The following PLB1 variants were observed in gnomAD, a reference collection of about 807,000 sequenced individuals.
PLB1 encodes phospholipase B1, membrane-associated.
In PLB1, 242 loss-of-function variants were observed where a neutral mutation model predicts 227.4. The ratio of observed to expected loss-of-function variants is 1.06; its 90% CI spans 0.96 to 1.18. The LOEUF (loss-of-function observed/expected upper bound fraction) is 1.18, where lower values mean the gene tolerates loss of function less well. PLB1 is among the 50% of genes most tolerant of loss of function. PLB1 has a pLI of 0.00. For missense variants in PLB1, 1,858 were observed against 1,816.3 expected (o/e 1.02, Z -0.42); for synonymous variants, 757 against 682.2 (o/e 1.11, Z -1.71).
chr2:28,622,690 C>T (rs1409322207), intron 49 of PLB1, among the ~76,000 whole-genome samples: 2 of 152,144 alleles, frequency 1.3e-5, no homozygotes, highest in East Asian at 3.9e-4. Flanking sequence ...GAGTTCAAGA[C>T]CAGCTTGGCC....
intron 14 of PLB1, among the ~76,000 whole-genome samples, chr2:28,544,055 C>T (rs753793555): frequency 9.2e-5 from 14 of 152,318 alleles, no homozygotes; most frequent in Non-Finnish European, 1.2e-4. Context: ...CATTTTTCTT[C>T]TTTTGTGGAT....
chr2:28,577,564 C>T (rs770058190), intron 21 of PLB1, among the ~76,000 whole-genome samples: 3 of 152,186 alleles, frequency 2.0e-5, no homozygotes, highest in Non-Finnish European at 4.4e-5. Context: ...TCACACCGGC[C>T]GGGCGCGGTG....
chr2:28,639,798 A>G (rs1057201877), intron 56 of PLB1, among the ~76,000 whole-genome samples: 3 of 152,188 alleles, frequency 2.0e-5, no homozygotes, highest in African/African-American at 4.8e-5. Context: ...TACCTTATGT[A>G]TGTAAGCCAC....
chr2:28,504,873 A>G lies in PLB1; in HGVS notation c.55+8704A>G, dbSNP rs1667480012. On this transcript the variant is annotated intron_variant, in intron 1 of 57. Coordinates refer to ENST00000327757, the MANE Select transcript of PLB1 (RefSeq NM_153021.5). ...GCTGATTCTTGCTTATATGTACCTAATTTCTTTATGTACTATACCTGGTTA... is the reference window on the plus strand; with the variant it reads ...GCTGATTCTTGCTTATATGTACCTAGTTTCTTTATGTACTATACCTGGTTA... Among the ~76,000 whole-genome samples the G allele has an allele frequency of 3.3e-5, 5 of 152,028 alleles. No homozygotes were observed. In the South Asian group the frequency reaches 1.0e-3, roughly 32 times the overall value.
chr2:28,603,935 T>A, intron 39 of PLB1, 31 bp from the exon 40 acceptor site: 3 of 1,600,798 alleles, frequency 1.9e-6, no homozygotes, highest in Non-Finnish European at 2.6e-6. Context: ...GCCTGAGCTC[T>A]GGGGCCTCCT....
At chr2:28,549,528 GC>G (rs1673882625) in intron 15 of PLB1, among the ~76,000 whole-genome samples, 1 of 140,840 alleles carries the variant, frequency 7.1e-6, no homozygotes, top group African/African-American at 2.7e-5. Flanking sequence ...CGATTCTCCT[GC>G]CTCAGCCTCC....
chr2:28,581,496 AAT>A lies in PLB1; in HGVS notation c.1567-570_1567-569del, dbSNP rs1367345900. ...AGAGCTCCACGCAAAAAAATAAATA[AAT>A]AAATAAATAAATAAATAAATAAATA... On this transcript the variant is annotated intron_variant, in intron 23 of 57. Transcript: ENST00000327757. 1.1e-3 allele frequency among the ~76,000 whole-genome samples: 87 copies of A among 79,788 alleles called. 4 individuals are homozygous for A. The highest frequency in any genetic ancestry group is 4.6e-3 in the African/African-American group (78 of 16,858). 52.3% of individuals were successfully genotyped at this position (79,788 alleles called of 152,430 possible). A position where few individuals can be genotyped will look rare whatever the true frequency, so the allele number is the denominator to read the frequency against.
At position 28,573,339 on chromosome 2, in the gene PLB1, A is replaced by T. The variant is rs367547240; in HGVS notation, c.1433+34A>T. ...GGGTGACCGGGGCGGTGAACAGCAC[A>T]GGTCCTCTGAGGACCAGGGGTGGGC... On this transcript the variant is annotated intron_variant, in intron 21 of 57. Coordinates refer to ENST00000327757, the MANE Select transcript of PLB1 (RefSeq NM_153021.5). 42 of 1,481,588 alleles carry T rather than the reference A, an allele frequency of 2.8e-5. No homozygotes were observed. The African/African-American group carries it at 5.7e-4, about 20-fold the overall frequency. The allele number at this position is 1,481,588 out of a possible 1,614,324, so 91.8% of individuals were successfully genotyped here.
intron 49 of PLB1, among the ~76,000 whole-genome samples, chr2:28,623,984 C>A (rs1182460368): frequency 6.6e-6 from 1 of 152,134 alleles, no homozygotes; most frequent in African/African-American, 2.4e-5. Flanking sequence ...GTAGTCCCAG[C>A]TACTCGGAAG....
At position 28,643,899 on chromosome 2, in the gene PLB1, G is replaced by T. The variant is rs1421103227; in HGVS notation, c.*838G>T. 6.6e-6 allele frequency: 1 copy of T among 152,206 alleles called. No individual in the cohort carries two copies. The highest frequency in any genetic ancestry group is 1.5e-5 in the Non-Finnish European group (1 of 68,028). The allele number at this position is 152,206 out of a possible 1,614,324, so 9.4% of individuals were successfully genotyped here. ...AAAACTAGAGAGAGTCTGAAAATAT[G>T]GGCTGCATTCACTGAGCCCCTGCTA... On this transcript the variant is annotated 3_prime_UTR_variant, in exon 58 of 58. Transcript: ENST00000327757.
intron 44 of PLB1, among the ~76,000 whole-genome samples, chr2:28,616,496 G>A (rs1178978944): frequency 6.6e-6 from 1 of 152,194 alleles, no homozygotes; most frequent in Non-Finnish European, 1.5e-5. Context: ...AGATCTTCAG[G>A]GGATTTGGAT....
At position 28,605,603 on chromosome 2, in the gene PLB1, G is replaced by A. The variant is rs115481878; in HGVS notation, c.2962-250G>A. Among the ~76,000 whole-genome samples, 1,440 of 152,246 alleles carry A rather than the reference G, an allele frequency of 9.5e-3. 11 individuals are homozygous for A. Among genetic ancestry groups the A allele is most frequent in the Non-Finnish European group, 0.013 (911 of 68,024 alleles). ...CATGAATGTGCCCAAAAATAAATAC[G>A]ACACTTCTAATTGAATAAGGGGCAC... is the stretch of plus-strand genomic sequence containing the variant. On this transcript the variant is annotated intron_variant, in intron 41 of 57. Transcript: ENST00000327757.
chr2:28,583,541 C>A (rs1680409353), intron 25 of PLB1, among the ~76,000 whole-genome samples: 1 of 152,180 alleles, frequency 6.6e-6, no homozygotes, highest in Non-Finnish European at 1.5e-5. Flanking sequence ...AATTCCACAC[C>A]TGACTTCATG....
chr2:28,595,624 G>A (rs1682781056), intron 33 of PLB1: 1 of 152,016 alleles, frequency 6.6e-6, no homozygotes, highest in Non-Finnish European at 1.5e-5. Context: ...CATTTTCTTT[G>A]TTCATAACAC....
rs1052826236 is a variant in PLB1, at chr2:28,528,098, A to T, written c.326-1219A>T. ...AAGGATGGGGAAAATTGAATCACCCACGAGTTAGGAGGCTGCCCAAGGTTG... is the reference window on the plus strand; with the variant it reads ...AAGGATGGGGAAAATTGAATCACCCTCGAGTTAGGAGGCTGCCCAAGGTTG... On this transcript the variant is annotated intron_variant, in intron 6 of 57. Coordinates refer to ENST00000327757, the MANE Select transcript of PLB1 (RefSeq NM_153021.5). 1.1e-4 allele frequency among the ~76,000 whole-genome samples: 17 copies of T among 152,308 alleles called. No homozygotes were observed. The East Asian group carries it at 3.3e-3, about 29-fold the overall frequency.
At chr2:28,624,525 G>A (rs1687469885) in intron 49 of PLB1, among the ~76,000 whole-genome samples, 1 of 151,742 alleles carries the variant, frequency 6.6e-6, no homozygotes, top group Admixed American at 6.6e-5. Flanking sequence ...TGGTTTATTG[G>A]AGAGGGAGAA....
chr2:28,606,414 C>T (rs1684687863), intron 42 of PLB1, 82 bp from the exon 43 acceptor site: 3 of 1,369,764 alleles, frequency 2.2e-6, no homozygotes, highest in Admixed American at 3.5e-5. Flanking sequence ...GAGCTTTCCC[C>T]ACTGCAGGAT....
At chr2:28,636,808 G>T (rs1689412506) in intron 56 of PLB1, among the ~76,000 whole-genome samples, 1 of 152,120 alleles carries the variant, frequency 6.6e-6, no homozygotes, top group African/African-American at 2.4e-5. Flanking sequence ...TGGCATATGG[G>T]GTTAGACGTC....
chr2:28,547,288 A>G (rs1042803069), intron 14 of PLB1, among the ~76,000 whole-genome samples: 6 of 151,938 alleles, frequency 3.9e-5, no homozygotes, highest in African/African-American at 1.4e-4. Context: ...GGCCTGCTCA[A>G]TACTTCCTTT....
Sources: allele counts gnomAD v4.1 joint callset (sites outside exome capture counted in the v4.1 genomes callset), GRCh38; gene constraint gnomAD v4.1.1; transcripts MANE v1.5; gene names NCBI Gene and HGNC (gene_info 2026-07-23, HGNC 2026-07-21).